The following PRKCQ variants were observed in gnomAD, a reference collection of about 807,000 sequenced individuals.
PRKCQ encodes the protein protein kinase C theta.
A neutral mutation model predicts 91.2 loss-of-function variants in PRKCQ; 41 were observed. That is an observed-to-expected ratio of 0.45 (90% CI 0.35 to 0.58). The LOEUF (loss-of-function observed/expected upper bound fraction) is 0.58, where lower values mean the gene tolerates loss of function less well. Among genes scored for constraint, PRKCQ ranks in the 20% least tolerant of loss-of-function variants. PRKCQ has a pLI of 0.00. For missense variants in PRKCQ, 673 were observed against 896.5 expected (o/e 0.75, Z 3.18); for synonymous variants, 307 against 316.9 (o/e 0.97, Z 0.33).
At chr10:6,402,566 C>T in the PRKCQ span, among the ~76,000 whole-genome samples, 1 of 152,124 alleles carries the variant, frequency 6.6e-6, no homozygotes. Flanking sequence ...TTAACAATTT[C>T]AAAGAAGAGT....
intron 12 of PRKCQ, among the ~76,000 whole-genome samples, chr10:6,470,263 C>G: frequency 6.6e-6 from 1 of 151,630 alleles, no homozygotes; most frequent in East Asian, 1.9e-4. Context: ...TTCTTACCAC[C>G]CCAAGGGATC....
At chr10:6,564,898 C>T (rs1840782939) in intron 1 of PRKCQ, among the ~76,000 whole-genome samples, 1 of 152,220 alleles carries the variant, frequency 6.6e-6, no homozygotes, top group Non-Finnish European at 1.5e-5. Context: ...GTACTTCATC[C>T]TTAATTACTT....
At chr10:6,524,501 C>T (rs936437664) in intron 1 of PRKCQ, among the ~76,000 whole-genome samples, 1 of 152,218 alleles carries the variant, frequency 6.6e-6, no homozygotes, top group African/African-American at 2.4e-5. Context: ...AAGCGCATGT[C>T]TGCCATGCTT....
chr10:6,418,911 CATCT>C, the PRKCQ span, among the ~76,000 whole-genome samples: 5 of 144,704 alleles, frequency 3.5e-5, no homozygotes, highest in African/African-American at 7.4e-5. Flanking sequence ...CTCATCCATC[CATCT>C]GTCCATTCAT....
intron 10 of PRKCQ, among the ~76,000 whole-genome samples, chr10:6,483,871 G>T (rs1189060932): frequency 5.3e-5 from 8 of 152,120 alleles, no homozygotes. Context: ...TTCAACTTAA[G>T]AAACAAATTC....
chr10:6,566,169 T>C (rs1840829607), intron 1 of PRKCQ, among the ~76,000 whole-genome samples: 1 of 152,198 alleles, frequency 6.6e-6, no homozygotes, highest in South Asian at 2.1e-4. Flanking sequence ...GCTACGGTAT[T>C]AAATTTTAAT....
intron 1 of PRKCQ, among the ~76,000 whole-genome samples, chr10:6,543,251 G>A (rs1292837770): frequency 6.6e-6 from 1 of 152,242 alleles, no homozygotes; most frequent in Non-Finnish European, 1.5e-5. Flanking sequence ...AAGAAAGGAA[G>A]AAAAAGTCAC....
chr10:6,524,612 A>G (rs1839131929), intron 1 of PRKCQ, among the ~76,000 whole-genome samples: 1 of 152,240 alleles, frequency 6.6e-6, no homozygotes, highest in Non-Finnish European at 1.5e-5. Context: ...CCTAGATGAG[A>G]AAGGTCCCCT....
intron 15 of PRKCQ, among the ~76,000 whole-genome samples, chr10:6,447,688 G>T (rs967359551): frequency 3.3e-5 from 5 of 152,162 alleles, no homozygotes; most frequent in Admixed American, 1.3e-4. Flanking sequence ...TCACAGGAAC[G>T]ATGGGTGCCT....
At chr10:6,569,399 A>T (rs1202142631) in intron 1 of PRKCQ, among the ~76,000 whole-genome samples, 8 of 151,816 alleles carry the variant, frequency 5.3e-5, no homozygotes, top group African/African-American at 1.7e-4. Context: ...TAGGAGCTTA[A>T]AGAGGCTCAG....
rs926341319 is a variant in PRKCQ, at chr10:6,465,365, C to T, written c.1354-961G>A. On this transcript the variant is annotated intron_variant, in intron 12 of 17. Transcript: ENST00000263125. This position sits in a 1 kb window ranked among gnomAD's most constrained non-coding sequence, Gnocchi z 4.4. Reference sequence around the variant, plus strand: ...TGTATGTCAGTAGAGCTGGGGCCCTCGAGTGGCCACAGTCAGAAGTAGGGC... The same window carrying T: ...TGTATGTCAGTAGAGCTGGGGCCCTTGAGTGGCCACAGTCAGAAGTAGGGC... Among the ~76,000 whole-genome samples the T allele has an allele frequency of 6.6e-6, 1 of 152,104 alleles. No individual in the cohort carries two copies. The highest frequency in any genetic ancestry group is 1.5e-5 in the Non-Finnish European group (1 of 68,024).
chr10:6,469,806 GAACAT>G (rs1367465929), intron 12 of PRKCQ, among the ~76,000 whole-genome samples: 1 of 151,876 alleles, frequency 6.6e-6, no homozygotes, highest in Admixed American at 6.6e-5. Flanking sequence ...GAAAACAAAA[GAACAT>G]AACAAATCAT....
downstream of PRKCQ, among the ~76,000 whole-genome samples, chr10:6,425,649 T>G (rs956549408): frequency 2.0e-5 from 3 of 152,136 alleles, no homozygotes; most frequent in African/African-American, 7.2e-5. Context: ...GTTAGTCACC[T>G]GACATATTCA....
At chr10:6,506,774 T>C (rs1204048067) in intron 4 of PRKCQ, among the ~76,000 whole-genome samples, 1 of 152,162 alleles carries the variant, frequency 6.6e-6, no homozygotes, top group East Asian at 1.9e-4. Context: ...TGAAGTGAAT[T>C]TACCATCAGT....
At chr10:6,537,158 G>A (rs948651471) in intron 1 of PRKCQ, among the ~76,000 whole-genome samples, 6 of 152,190 alleles carry the variant, frequency 3.9e-5, no homozygotes, top group Non-Finnish European at 8.8e-5. Context: ...TTTGTTGAAT[G>A]CTTGCAGGGA....
chr10:6,574,431 G>C (rs181950805), intron 1 of PRKCQ, among the ~76,000 whole-genome samples: 10 of 152,304 alleles, frequency 6.6e-5, no homozygotes, highest in Admixed American at 5.9e-4. Context: ...ATCTGGGTTT[G>C]TACCTGTTAC....
At chr10:6,473,232 T>A (rs1378403914) in intron 12 of PRKCQ, among the ~76,000 whole-genome samples, 2 of 152,224 alleles carry the variant, frequency 1.3e-5, no homozygotes, top group Non-Finnish European at 2.9e-5. Flanking sequence ...AAAATGCCTC[T>A]GTCTCTCCCT....
chr10:6,395,572 A>T, the PRKCQ span, among the ~76,000 whole-genome samples: 2 of 152,272 alleles, frequency 1.3e-5, no homozygotes, highest in East Asian at 3.9e-4. Flanking sequence ...GTGACTCCTA[A>T]ACCATAATTT....
chr10:6,462,411 C>A (rs775917156), intron 13 of PRKCQ, 46 bp from the exon 14 acceptor site: 1 of 1,587,800 alleles, frequency 6.3e-7, no homozygotes, highest in Non-Finnish European at 8.6e-7. Flanking sequence ...TGTCATGGAA[C>A]GAAATAAAAT....
Sources: allele counts gnomAD v4.1 joint callset (sites outside exome capture counted in the v4.1 genomes callset), GRCh38; gene constraint gnomAD v4.1.1; non-coding constraint Gnocchi (gnomAD v3.1); transcripts MANE v1.5; gene names NCBI Gene and HGNC (gene_info 2026-07-23, HGNC 2026-07-21).